KHDRBS1: variants seen among roughly 807,000 people sequenced by gnomAD.
KHDRBS1 encodes KH domain-containing, RNA-binding, signal transduction-associated protein 1.
Under a neutral mutation model 48.4 loss-of-function variants are expected in KHDRBS1, and 7 were observed. That is an observed-to-expected ratio of 0.14 (90% CI 0.08 to 0.27). The LOEUF (loss-of-function observed/expected upper bound fraction) is 0.27. Among genes scored for constraint, KHDRBS1 ranks in the 10% least tolerant of loss-of-function variants. The pLI is 1.00. For missense variants in KHDRBS1, 458 were observed against 601.2 expected (o/e 0.76, Z 2.49); for synonymous variants, 241 against 235.8 (o/e 1.02, Z -0.20).
Position 32,013,916 on chromosome 1 carries a change from T to C in KHDRBS1, c.-80T>C. On this transcript the variant is annotated 5_prime_UTR_variant, in exon 1 of 9. Coordinates refer to ENST00000327300, the MANE Select transcript of KHDRBS1 (RefSeq NM_006559.3). ...GCTTCGGTCGCTACCGCTCCCGCTC[T>C]GCCACCCCCGCCAACCGCCGCTCGG... The C allele has an allele frequency of 7.7e-7, 1 of 1,294,304 alleles. No homozygotes were observed. Among genetic ancestry groups the C allele is most frequent in the African/African-American group, 1.6e-5 (1 of 64,304 alleles). The allele number at this position is 1,294,304 out of a possible 1,614,324, so 80.2% of individuals were successfully genotyped here.
chr1:32,020,351 A>C (rs1638833858), intron 1 of KHDRBS1, among the ~76,000 whole-genome samples: 1 of 151,980 alleles, frequency 6.6e-6, no homozygotes, highest in South Asian at 2.1e-4. Context: ...GCTTGAACCC[A>C]GGAGGTCGAG....
chr1:32,049,147 G>C (rs569835512), intron 10 of KHDRBS1, among the ~76,000 whole-genome samples: 1 of 151,060 alleles, frequency 6.6e-6, no homozygotes, highest in Non-Finnish European at 1.5e-5. Context: ...TGCAACCTCC[G>C]CCTCCCAGGT....
chr1:32,037,072 G>A, intron 5 of KHDRBS1, 29 bp downstream of exon 5: 1 of 1,609,580 alleles, frequency 6.2e-7, no homozygotes, highest in Non-Finnish European at 8.5e-7. Context: ...CCCAGAAATA[G>A]GATGTGAATT....
downstream of KHDRBS1, among the ~76,000 whole-genome samples, chr1:32,047,247 C>T (rs965919169): frequency 6.6e-6 from 1 of 152,192 alleles, no homozygotes; most frequent in African/African-American, 2.4e-5. Context: ...CGACCTCCAC[C>T]TCCCGGGTTC....
At chr1:32,029,526 A>T (rs1350900599) in intron 1 of KHDRBS1, among the ~76,000 whole-genome samples, 3 of 152,006 alleles carry the variant, frequency 2.0e-5, no homozygotes, top group African/African-American at 7.3e-5. Context: ...GCATGGTGGC[A>T]CACACCTGTA....
intron 3 of KHDRBS1, among the ~76,000 whole-genome samples, chr1:32,032,326 T>C (rs1422093016): frequency 6.6e-6 from 1 of 152,240 alleles, no homozygotes; most frequent in East Asian, 1.9e-4. Context: ...TGTAGTCTAA[T>C]GGACACATGT....
chr1:32,049,950 C>T (rs1419024266), intron 10 of KHDRBS1, among the ~76,000 whole-genome samples: 1 of 152,174 alleles, frequency 6.6e-6, no homozygotes, highest in East Asian at 1.9e-4. Flanking sequence ...CATGAGCCAC[C>T]ACGCCCGGCC....
intron 1 of KHDRBS1, among the ~76,000 whole-genome samples, chr1:32,029,187 T>C (rs1030724847): frequency 1.3e-5 from 2 of 152,220 alleles, no homozygotes; most frequent in Admixed American, 1.3e-4. Flanking sequence ...TTCTATCTAA[T>C]GAAACTGTCT....
At chr1:32,060,539 C>T (rs1039849038) in exon 11 of KHDRBS1, 18 of 152,108 alleles carry the variant, frequency 1.2e-4, no homozygotes, top group African/African-American at 1.9e-4. Flanking sequence ...ACCCTACCAC[C>T]GTTTTCTGTT....
chr1:32,054,242 C>T (rs892463097), intron 10 of KHDRBS1, among the ~76,000 whole-genome samples: 8 of 152,274 alleles, frequency 5.3e-5, no homozygotes, highest in East Asian at 1.9e-4. Flanking sequence ...GAGTGACTTA[C>T]ATCACATCTG....
intron 10 of KHDRBS1, among the ~76,000 whole-genome samples, chr1:32,056,860 CTG>C (rs981753144): frequency 3.9e-5 from 6 of 152,210 alleles, no homozygotes; most frequent in African/African-American, 1.4e-4. Context: ...GTGCTAGACA[CTG>C]GGGATCCAGT....
intron 10 of KHDRBS1, among the ~76,000 whole-genome samples, chr1:32,050,892 A>G (rs1245636930): frequency 6.8e-6 from 1 of 147,798 alleles, no homozygotes; most frequent in Non-Finnish European, 1.5e-5. Context: ...TGGGGGTTCA[A>G]ATTATTATTT....
At chr1:32,025,916 A>AATATAT (rs201144900) in intron 1 of KHDRBS1, among the ~76,000 whole-genome samples, 2 of 145,866 alleles carry the variant, frequency 1.4e-5, no homozygotes, top group Non-Finnish European at 3.0e-5. Flanking sequence ...AGCTAATTTA[A>AATATAT]ATATATATAT....
chr1:32,025,380 G>A (rs1470360403), intron 1 of KHDRBS1, among the ~76,000 whole-genome samples: 2 of 135,424 alleles, frequency 1.5e-5, no homozygotes, highest in South Asian at 4.7e-4. Context: ...AGCTCACTGT[G>A]ACCTCCGCCT....
intron 1 of KHDRBS1, among the ~76,000 whole-genome samples, chr1:32,016,437 A>G (rs946062124): frequency 5.9e-5 from 9 of 152,120 alleles, no homozygotes; most frequent in African/African-American, 1.9e-4. Flanking sequence ...TTCCCTCACT[A>G]TAGTGCCTGC....
At chr1:32,037,113 C>T (rs1423479249) in intron 5 of KHDRBS1, 70 bp downstream of exon 5, 13 of 1,511,646 alleles carry the variant, frequency 8.6e-6, no homozygotes, top group Non-Finnish European at 5.4e-6. Flanking sequence ...TTTAGTGGTG[C>T]TCTTATGTCT....
chr1:32,035,857 G>T (rs996178912), intron 4 of KHDRBS1, among the ~76,000 whole-genome samples: 1 of 152,118 alleles, frequency 6.6e-6, no homozygotes, highest in Non-Finnish European at 1.5e-5. Flanking sequence ...GGAATTATGT[G>T]GTACTTTGAG....
chr1:32,038,066 C>A (rs1287061377), intron 6 of KHDRBS1, 30 bp downstream of exon 6: 1 of 1,612,302 alleles, frequency 6.2e-7, no homozygotes. Flanking sequence ...TGCCATTTCC[C>A]AGTACCTAGA....
intron 1 of KHDRBS1, among the ~76,000 whole-genome samples, chr1:32,023,692 C>T (rs1400619497): frequency 1.3e-5 from 2 of 152,026 alleles, no homozygotes; most frequent in African/African-American, 4.8e-5. Flanking sequence ...TTTTGTCTTC[C>T]CATTTCAGTC....
Sources: gnomAD v4.1 joint callset for allele counts (sites outside exome capture counted in the v4.1 genomes callset) on GRCh38, gnomAD v4.1.1 for gene constraint, MANE v1.5 for transcripts, NCBI Gene and HGNC (gene_info 2026-07-23, HGNC 2026-07-21) for gene names.